The following SORL1 variants were observed in gnomAD, a reference collection of about 807,000 sequenced individuals.
The protein encoded by SORL1 is sortilin related receptor 1.
In SORL1, 127 loss-of-function variants were observed where a neutral mutation model predicts 273.7. The observed-to-expected ratio is 0.46, with a 90% CI of 0.40 to 0.54. SORL1 has a LOEUF of 0.54. SORL1 is among the 20% of genes least tolerant of loss of function. The pLI, the probability that SORL1 is intolerant of heterozygous loss-of-function variation, is 0.00. For synonymous variants in SORL1, 1,031 were observed against 1,067.4 expected, an observed-to-expected ratio of 0.97 and a Z score of 0.66; for missense variants, 2,494 against 2,846.1, an observed-to-expected ratio of 0.88 and a Z score of 2.81.
intron 43 of SORL1, among the ~76,000 whole-genome samples, chr11:121,620,610 C>T (rs1863709683): frequency 6.6e-6 from 1 of 152,076 alleles, no homozygotes; most frequent in African/African-American, 2.4e-5. Flanking sequence ...CTGTTATTTT[C>T]CCCTTGCCCC....
At chr11:121,604,376 C>A in intron 33 of SORL1, 52 bp downstream of exon 33, 1 of 1,598,050 alleles carries the variant, frequency 6.3e-7, no homozygotes. Context: ...GGGAGGCTCG[C>A]TTACCCCAGG....
chr11:121,554,252 C>T lies in SORL1; in HGVS notation c.2439+143C>T, dbSNP rs1591324439. The stretch of plus-strand genomic sequence containing the variant: ...TCTCAGGGCTGACAGGTGAAAGTTT[C>T]CAGTCTTCTGTGTTAGTATTTTTCT... On this transcript the variant is annotated intron_variant, in intron 17 of 47. Transcript: ENST00000260197. This position sits in a 1 kb window ranked among gnomAD's most constrained non-coding sequence, Gnocchi z 4.6. 12 of 688,120 alleles carry T rather than the reference C, an allele frequency of 1.7e-5. No homozygotes were observed. The South Asian group carries it at 2.3e-4, about 13-fold the overall frequency. The allele number at this position is 688,120 out of a possible 1,614,324, so 42.6% of individuals were successfully genotyped here. A position where few individuals can be genotyped will look rare whatever the true frequency, so the allele number is the denominator to read the frequency against.
chr11:121,540,884 A>G (rs934359950), intron 12 of SORL1, among the ~76,000 whole-genome samples: 1 of 152,244 alleles, frequency 6.6e-6, no homozygotes, highest in Non-Finnish European at 1.5e-5. Flanking sequence ...GTACACATAG[A>G]TAGACTTTAG....
At chr11:121,606,162 A>G (rs1334793249) in intron 35 of SORL1, among the ~76,000 whole-genome samples, 1 of 152,198 alleles carries the variant, frequency 6.6e-6, no homozygotes, top group Admixed American at 6.5e-5. Context: ...AGCTCAAGCA[A>G]TCCACCTACT....
intron 1 of SORL1, among the ~76,000 whole-genome samples, chr11:121,458,133 C>T (rs937812551): frequency 3.3e-5 from 5 of 152,150 alleles, no homozygotes; most frequent in Admixed American, 6.5e-5. Flanking sequence ...AAAAAATAAT[C>T]GATTTGCTTT....
At chr11:121,576,745 C>G (rs1016133135) in intron 24 of SORL1, 3 of 1,463,684 alleles carry the variant, frequency 2.0e-6, no homozygotes, top group African/African-American at 1.4e-5. Flanking sequence ...CACCCGTGTC[C>G]CTGGAGCTCT....
At chr11:121,489,729 A>T (rs1206535855) in intron 4 of SORL1, among the ~76,000 whole-genome samples, 7 of 152,240 alleles carry the variant, frequency 4.6e-5, no homozygotes, top group African/African-American at 7.2e-5. Context: ...GCTGAGTATA[A>T]TCATCCTTTG....
Position 121,629,578 on chromosome 11 carries a change from C to A in SORL1, c.*15C>A. The A allele has an allele frequency of 3.0e-6, 4 of 1,327,048 alleles. No individual in the cohort carries two copies. Among genetic ancestry groups the A allele is most frequent in the Non-Finnish European group, 3.3e-6 (3 of 918,866 alleles). 82.2% of individuals were successfully genotyped at this position (1,327,048 alleles called of 1,614,324 possible). A position where few individuals can be genotyped will look rare whatever the true frequency, so the allele number is the denominator to read the frequency against. ...TGATAGCCTGAAAGAGCTTTCCTCA[C>A]TAGAAACCAAATGGTGTAAATATTT... On this transcript the variant is annotated 3_prime_UTR_variant, in exon 48 of 48. Transcript: ENST00000260197.
chr11:121,532,596 A>T, intron 12 of SORL1, 44 bp downstream of exon 12: 8 of 1,496,226 alleles, frequency 5.3e-6, no homozygotes, highest in Non-Finnish European at 7.4e-6. Context: ...ACTTTCTCCC[A>T]GAAATTTACG....
intron 35 of SORL1, 119 bp downstream of exon 35, chr11:121,605,690 A>T: frequency 1.3e-6 from 1 of 788,914 alleles, no homozygotes; most frequent in South Asian, 1.7e-5. Context: ...GTACAGAAGT[A>T]TGGTGGCTAA....
At chr11:121,502,808 C>G (rs971482448) in intron 6 of SORL1, among the ~76,000 whole-genome samples, 4 of 152,134 alleles carry the variant, frequency 2.6e-5, no homozygotes, top group Non-Finnish European at 5.9e-5. Flanking sequence ...ATTTGCAAAT[C>G]TTTTCTGCCA....
At chr11:121,489,931 G>T in intron 4 of SORL1, 112 bp from the exon 5 acceptor site, 1 of 789,564 alleles carries the variant, frequency 1.3e-6, no homozygotes, top group Non-Finnish European at 2.2e-6. Context: ...CTCAGTGCCT[G>T]CCTTCACAGA....
chr11:121,606,641 T>G (rs969656771), intron 35 of SORL1, among the ~76,000 whole-genome samples: 7 of 152,276 alleles, frequency 4.6e-5, no homozygotes, highest in Admixed American at 6.5e-5. Flanking sequence ...TGAGCCATGA[T>G]GTGATGTGTG....
intron 22 of SORL1, 81 bp downstream of exon 22, chr11:121,567,194 C>G: frequency 8.2e-7 from 1 of 1,226,022 alleles, no homozygotes; most frequent in Non-Finnish European, 1.2e-6. Context: ...GGATAGCTCT[C>G]TGTTTCCTAA....
intron 12 of SORL1, among the ~76,000 whole-genome samples, chr11:121,537,662 G>C (rs565585438): frequency 2.4e-4 from 37 of 152,272 alleles, no homozygotes; most frequent in African/African-American, 8.7e-4. Context: ...ACAATCTTTT[G>C]TTCTATACTT....
At chr11:121,487,199 T>C (rs1861487297) in intron 3 of SORL1, among the ~76,000 whole-genome samples, 1 of 152,200 alleles carries the variant, frequency 6.6e-6, no homozygotes, top group African/African-American at 2.4e-5. Context: ...GCCCTGGACA[T>C]GTCTGTCTCC....
At position 121,452,674 on chromosome 11, in the gene SORL1, C is replaced by T. The variant is rs1860823430; in HGVS notation, c.285+58C>T. Reference sequence around the variant, plus strand: ...TTTTTCCTCTCCCTGCACTTCCTCACCCCCGCATCCATCCGTTGCAGTCGC... The same window carrying T: ...TTTTTCCTCTCCCTGCACTTCCTCATCCCCGCATCCATCCGTTGCAGTCGC... On this transcript the variant is annotated intron_variant, in intron 1 of 47. Transcript: ENST00000260197. The surrounding 1 kb of genome is among the most constrained non-coding windows in gnomAD (Gnocchi z 5.3). The T allele has an allele frequency of 2.2e-6, 3 of 1,351,862 alleles. No individual in the cohort carries two copies. Among genetic ancestry groups the T allele is most frequent in the Non-Finnish European group, 2.9e-6 (3 of 1,046,422 alleles). 83.7% of individuals were successfully genotyped at this position (1,351,862 alleles called of 1,614,324 possible). A position where few individuals can be genotyped will look rare whatever the true frequency, so the allele number is the denominator to read the frequency against.
chr11:121,535,656 A>G (rs980222587), intron 12 of SORL1, among the ~76,000 whole-genome samples: 1 of 150,416 alleles, frequency 6.6e-6, no homozygotes, highest in African/African-American at 2.4e-5. Flanking sequence ...GCATTGCTCA[A>G]AGTAAACATT....
Position 121,570,184 on chromosome 11 carries a change from G to A in SORL1, c.3251G>A (p.Arg1084His), listed in dbSNP as rs370151219. 3.3e-5 allele frequency: 54 copies of A among 1,613,652 alleles called. No homozygotes were observed. Among genetic ancestry groups the A allele is most frequent in the African/African-American group, 1.2e-4 (9 of 74,894 alleles). The change falls in exon 23 of 48, where the codon CGC (arginine) becomes CAC (histidine). Residue 1084 changes from arginine to histidine, a missense_variant. Transcript: ENST00000260197. ...AACACCTGTCTTCGCAACCAGTATC[G>A]CTGCAGCAACGGGAACTGTATCAAC... ...QENTCLRNQY[R>H]CSNGNCINSI... is the part of the protein sequence containing the mutation.
Sources: allele counts gnomAD v4.1 joint callset (sites outside exome capture counted in the v4.1 genomes callset), GRCh38; gene constraint gnomAD v4.1.1; non-coding constraint Gnocchi (gnomAD v3.1); transcripts MANE v1.5; gene names NCBI Gene and HGNC (gene_info 2026-07-23, HGNC 2026-07-21).